Variants in DENND1A observed in about 807,000 individuals in gnomAD.
DENND1A encodes DENN domain-containing protein 1A.
Under a neutral mutation model 113.7 loss-of-function variants are expected in DENND1A, and 51 were observed. The ratio of observed to expected loss-of-function variants is 0.45; its 90% CI spans 0.36 to 0.57. The LOEUF is 0.57. DENND1A is among the 20% of genes least tolerant of loss of function. The pLI is 0.00. For missense variants in DENND1A, 1,258 were observed against 1,395.9 expected (o/e 0.90, Z 1.57); for synonymous variants, 565 against 570.8 (o/e 0.99, Z 0.14).
chr9:123,611,270 C>T (rs1180471546), intron 10 of DENND1A, among the ~76,000 whole-genome samples: 1 of 151,702 alleles, frequency 6.6e-6, no homozygotes, highest in Non-Finnish European at 1.5e-5. Flanking sequence ...ATTTTTTTTC[C>T]CCTTAAACTG....
intron 13 of DENND1A, among the ~76,000 whole-genome samples, chr9:123,498,026 T>A (rs915730513): frequency 2.6e-5 from 4 of 152,188 alleles, no homozygotes; most frequent in Non-Finnish European, 5.9e-5. Flanking sequence ...AAGAAAGATA[T>A]GCGCAATTTT....
chr9:123,452,187 C>T, intron 17 of DENND1A, 89 bp downstream of exon 17: 1 of 1,276,368 alleles, frequency 7.8e-7, no homozygotes, highest in Non-Finnish European at 1.1e-6. Flanking sequence ...GAGCAAGACC[C>T]AGTTTCAAAA....
intron 13 of DENND1A, chr9:123,492,810 C>T (rs547229297): frequency 9.2e-5 from 14 of 152,296 alleles, no homozygotes; most frequent in Admixed American, 1.3e-4. Flanking sequence ...CCTCCAACAT[C>T]GTCTCTTTGT....
At chr9:123,505,724 C>T (rs1348475793) in intron 13 of DENND1A, among the ~76,000 whole-genome samples, 2 of 152,072 alleles carry the variant, frequency 1.3e-5, no homozygotes, top group Non-Finnish European at 2.9e-5. Flanking sequence ...ATTACACAAC[C>T]GTTCCACTTA....
intron 5 of DENND1A, among the ~76,000 whole-genome samples, chr9:123,697,538 G>A (rs558521795): frequency 4.6e-5 from 7 of 152,160 alleles, no homozygotes; most frequent in South Asian, 2.1e-4. Flanking sequence ...CTCTTGCCCC[G>A]TCCCATTCTT....
At chr9:123,741,910 T>C (rs2069058758) in intron 5 of DENND1A, among the ~76,000 whole-genome samples, 2 of 152,226 alleles carry the variant, frequency 1.3e-5, no homozygotes, top group Admixed American at 1.3e-4. Context: ...GCAGTTATTT[T>C]CTCTTTTCTT....
chr9:123,387,152 C>A (rs768956916), intron 22 of DENND1A, among the ~76,000 whole-genome samples: 5 of 152,084 alleles, frequency 3.3e-5, no homozygotes, highest in Non-Finnish European at 7.4e-5. Context: ...GGAAGGAGGG[C>A]GACAGCAGCT....
At chr9:123,440,326 C>A (rs777964041) in intron 19 of DENND1A, 34 bp downstream of exon 19, 247 of 1,563,864 alleles carry the variant, frequency 1.6e-4, no homozygotes, top group Non-Finnish European at 1.9e-4. Context: ...AAAAAAAAAA[C>A]AAAACAGACA....
chr9:123,437,946 T>A (rs1001796727), intron 19 of DENND1A: 2 of 152,186 alleles, frequency 1.3e-5, no homozygotes, highest in African/African-American at 2.4e-5. Context: ...CTGGGACTAG[T>A]ATATCAAGCC....
At chr9:123,924,969 C>G (rs1480334073) in intron 1 of DENND1A, among the ~76,000 whole-genome samples, 3 of 152,206 alleles carry the variant, frequency 2.0e-5, no homozygotes, top group Non-Finnish European at 4.4e-5. Flanking sequence ...GTCATCTCCA[C>G]AGTGAGGCCT....
intron 11 of DENND1A, among the ~76,000 whole-genome samples, chr9:123,592,374 C>A (rs1589267918): frequency 1.3e-5 from 2 of 152,088 alleles, no homozygotes; most frequent in South Asian, 2.1e-4. Context: ...TGGAGCCAGA[C>A]TGCCTGAGTC....
chr9:123,638,475 T>C (rs948403968), intron 9 of DENND1A, among the ~76,000 whole-genome samples: 2 of 152,062 alleles, frequency 1.3e-5, no homozygotes, highest in African/African-American at 4.8e-5. Flanking sequence ...CATGCACTTT[T>C]GTTGTTGTTG....
intron 13 of DENND1A, among the ~76,000 whole-genome samples, chr9:123,552,947 T>C (rs2057191105): frequency 6.6e-6 from 1 of 152,182 alleles, no homozygotes; most frequent in South Asian, 2.1e-4. Context: ...CATGAAACAT[T>C]ACTGACAATC....
chr9:123,584,567 A>G (rs981100487), intron 11 of DENND1A, among the ~76,000 whole-genome samples: 1 of 152,246 alleles, frequency 6.6e-6, no homozygotes, highest in African/African-American at 2.4e-5. Flanking sequence ...ATGGACAAGT[A>G]GCATATACTA....
In DENND1A at chr9:123,739,784, A is replaced by G. The variant is rs570781090; in HGVS notation, c.302+17919T>C. Among the ~76,000 whole-genome samples, 7 of 152,316 alleles carry G rather than the reference A, an allele frequency of 4.6e-5. No individual in the cohort carries two copies. In the East Asian group the frequency reaches 1.3e-3, roughly 29 times the overall value. On this transcript the variant is annotated intron_variant, in intron 5 of 23. Coordinates refer to ENST00000394215, the MANE Select transcript of DENND1A (RefSeq NM_001352964.2). ...GGGAAAATCTTTAGAAAAAAAGATGACATACTCTCATCTTATGAAATCTTA... is the reference window on the plus strand; with the variant it reads ...GGGAAAATCTTTAGAAAAAAAGATGGCATACTCTCATCTTATGAAATCTTA...
At chr9:123,748,281 C>T (rs2069699020) in intron 5 of DENND1A, among the ~76,000 whole-genome samples, 2 of 152,184 alleles carry the variant, frequency 1.3e-5, no homozygotes, top group Admixed American at 6.5e-5. Flanking sequence ...TCATTATCAG[C>T]ATGGTGGGAT....
chr9:123,872,680 C>T (rs1442027388), intron 2 of DENND1A, among the ~76,000 whole-genome samples: 1 of 151,848 alleles, frequency 6.6e-6, no homozygotes, highest in African/African-American at 2.4e-5. Flanking sequence ...AATTTAAAGA[C>T]AAATGGAAAA....
rs77969061 is a variant in DENND1A, at chr9:123,381,195, G to T, written c.*237C>A. 4.0e-3 allele frequency: 2,296 copies of T among 575,034 alleles called. 30 individuals carry two copies. The highest frequency in any genetic ancestry group is 0.039 in the African/African-American group (2,096 of 53,270). 35.6% of individuals were successfully genotyped at this position (575,034 alleles called of 1,614,324 possible). A position where few individuals can be genotyped will look rare whatever the true frequency, so the allele number is the denominator to read the frequency against. Reference sequence around the variant, plus strand: ...TCAAGGGTGCCGAGGAGAGGCAACCGCGGGGTGGGATGGGCACTCAGGAAC... The same window carrying T: ...TCAAGGGTGCCGAGGAGAGGCAACCTCGGGGTGGGATGGGCACTCAGGAAC... On this transcript the variant is annotated 3_prime_UTR_variant, in exon 24 of 24. Transcript: ENST00000394215. This position sits in a 1 kb window ranked among gnomAD's most constrained non-coding sequence, Gnocchi z 4.7.
intron 5 of DENND1A, among the ~76,000 whole-genome samples, chr9:123,726,425 C>G (rs1403632585): frequency 6.6e-6 from 1 of 152,174 alleles, no homozygotes; most frequent in African/African-American, 2.4e-5. Context: ...CCCTATCACA[C>G]GAACATACTT....
Sources: allele counts gnomAD v4.1 joint callset (sites outside exome capture counted in the v4.1 genomes callset), GRCh38; gene constraint gnomAD v4.1.1; non-coding constraint Gnocchi (gnomAD v3.1); transcripts MANE v1.5; gene names NCBI Gene and HGNC (gene_info 2026-07-23, HGNC 2026-07-21).